SLC35F2: variants seen among roughly 807,000 people sequenced by gnomAD.
SLC35F2 encodes the protein solute carrier family 35 member F2.
A neutral mutation model predicts 38.1 loss-of-function variants in SLC35F2; 25 were observed. That is an observed-to-expected ratio of 0.66 (90% CI 0.48 to 0.92). The LOEUF (loss-of-function observed/expected upper bound fraction) is 0.92. SLC35F2 is among the 40% of genes least tolerant of loss of function. SLC35F2 has a pLI of 0.00. For synonymous variants in SLC35F2, 173 were observed against 181.7 expected (o/e 0.95, Z 0.38); for missense variants, 409 against 452.9 (o/e 0.90, Z 0.88).
At chr11:107,821,496 AAAG>A in intron 1 of SLC35F2, 1 of 985,396 alleles carries the variant, frequency 1.0e-6, no homozygotes, top group Non-Finnish European at 1.2e-6. Context: ...GCAAAGGAAG[AAAG>A]AAGACAAGAA....
Position 107,858,701 on chromosome 11 carries a change from A to G in SLC35F2, c.67T>C (p.Phe23Leu). 2.1e-5 allele frequency: 27 copies of G among 1,299,484 alleles called. No homozygotes were observed. The highest frequency in any genetic ancestry group is 2.7e-5 in the Non-Finnish European group (27 of 1,016,264). 80.5% of individuals were successfully genotyped at this position (1,299,484 alleles called of 1,614,324 possible). Residue 23 changes from phenylalanine (F) to leucine (L), a missense_variant, in exon 1 of 8, where the codon TTC (phenylalanine) becomes CTC (leucine). By Grantham distance (22) the Phe-to-Leu change is conservative. Transcript: ENST00000525815. ...TTTATCCTGCGCAGCAGGCTGGAGA[A>G]CTCGGCCGCCGCTCCCTCCGCGAGG... ...EPLAEGAAAE[F>L]SSLLRRIKGK...
At chr11:107,838,881 G>A (rs1051545262) in intron 1 of SLC35F2, among the ~76,000 whole-genome samples, 14 of 151,896 alleles carry the variant, frequency 9.2e-5, no homozygotes, top group East Asian at 1.9e-4. Flanking sequence ...TGCCCATCTC[G>A]GCCTCCCAAA....
intron 3 of SLC35F2, chr11:107,809,966 C>G (rs891537027): frequency 2.0e-6 from 2 of 985,246 alleles, no homozygotes; most frequent in Non-Finnish European, 2.4e-6. Flanking sequence ...TGAGCAGCAA[C>G]CTGGGCCACA....
intron 1 of SLC35F2, among the ~76,000 whole-genome samples, chr11:107,832,546 T>C (rs781157637): frequency 6.6e-6 from 1 of 152,226 alleles, no homozygotes; most frequent in Non-Finnish European, 1.5e-5. Context: ...CTCATGCCTG[T>C]AATCCCAGCA....
At chr11:107,855,618 C>CG (rs199985497) in intron 1 of SLC35F2, among the ~76,000 whole-genome samples, 114 of 151,606 alleles carry the variant, frequency 7.5e-4, no homozygotes, top group Middle Eastern at 3.4e-3. Flanking sequence ...CGCCATTGAA[C>CG]TCCAGCCTGG....
intron 1 of SLC35F2, among the ~76,000 whole-genome samples, chr11:107,832,746 G>C (rs1859865627): frequency 6.6e-6 from 1 of 152,178 alleles, no homozygotes; most frequent in Non-Finnish European, 1.5e-5. Flanking sequence ...GTTCAAGGCT[G>C]CAGTGAGCCA....
chr11:107,809,809 G>A, intron 3 of SLC35F2: 1 of 984,990 alleles, frequency 1.0e-6, no homozygotes, highest in Non-Finnish European at 1.2e-6. Flanking sequence ...GTATAGAAGA[G>A]AAAATGAAAA....
At chr11:107,824,740 C>T (rs1859727101) in intron 1 of SLC35F2, among the ~76,000 whole-genome samples, 1 of 152,180 alleles carries the variant, frequency 6.6e-6, no homozygotes, top group East Asian at 1.9e-4. Context: ...GCACATCCAC[C>T]CACCTGAGGC....
At chr11:107,835,557 G>A (rs779692637) in intron 1 of SLC35F2, among the ~76,000 whole-genome samples, 10 of 151,978 alleles carry the variant, frequency 6.6e-5, no homozygotes, top group Non-Finnish European at 1.2e-4. Context: ...CAGCCCCCAA[G>A]TAACTGGGAC....
chr11:107,813,849 G>C (rs1420363806), intron 2 of SLC35F2, among the ~76,000 whole-genome samples: 2 of 152,076 alleles, frequency 1.3e-5, no homozygotes, highest in African/African-American at 4.8e-5. Context: ...ATTTTTTGTA[G>C]AGAAGGAGTT....
chr11:107,823,926 CAAAA>C (rs58357861), intron 1 of SLC35F2: 1,255 of 644,036 alleles, frequency 1.9e-3, no homozygotes, highest in Middle Eastern at 2.4e-3. Flanking sequence ...AAGACAGTCT[CAAAA>C]AAAAAAAAAA....
intron 1 of SLC35F2, among the ~76,000 whole-genome samples, chr11:107,816,934 T>C (rs975892323): frequency 4.0e-5 from 6 of 151,836 alleles, no homozygotes; most frequent in African/African-American, 1.5e-4. Flanking sequence ...TAACTAAAAA[T>C]TGGGAAGAAA....
rs1860336253 is a variant in SLC35F2, at chr11:107,858,605, C to A, written c.110+53G>T. On this transcript the variant is annotated intron_variant, in intron 1 of 7. Coordinates refer to ENST00000525815, the MANE Select transcript of SLC35F2 (RefSeq NM_017515.5). The stretch of plus-strand genomic sequence containing the variant: ...GCTCCTTGTCCACGTGCGCGCAGGG[C>A]CCGCAGCCGCCCCCACGCCCCAGCG... 4 of 1,242,740 alleles carry A rather than the reference C, an allele frequency of 3.2e-6. No homozygotes were observed. The South Asian group carries it at 1.2e-4, about 38-fold the overall frequency. The allele number at this position is 1,242,740 out of a possible 1,614,324, so 77.0% of individuals were successfully genotyped here. A position where few individuals can be genotyped will look rare whatever the true frequency, so the allele number is the denominator to read the frequency against.
chr11:107,839,298 T>C (rs1859981407), intron 1 of SLC35F2, among the ~76,000 whole-genome samples: 1 of 152,016 alleles, frequency 6.6e-6, no homozygotes, highest in African/African-American at 2.4e-5. Flanking sequence ...CCGTCTCTAC[T>C]AAAAACATGA....
In SLC35F2 at chr11:107,790,991, T is replaced by C. The variant is rs1432228632; in HGVS notation, c.*1624A>G. 1 of 152,638 alleles carries C rather than the reference T, an allele frequency of 6.6e-6. No individual in the cohort carries two copies. The highest frequency in any genetic ancestry group is 2.4e-5 in the African/African-American group (1 of 41,450). The allele number at this position is 152,638 out of a possible 1,614,324, so 9.5% of individuals were successfully genotyped here. A position where few individuals can be genotyped will look rare whatever the true frequency, so the allele number is the denominator to read the frequency against. On this transcript the variant is annotated 3_prime_UTR_variant, in exon 8 of 8. Coordinates refer to ENST00000525815, the MANE Select transcript of SLC35F2 (RefSeq NM_017515.5). ...TTAATCAAAGAAACCACACAGTTGA[T>C]GTATTTCCATGAATTCAAAGCCTTT...
intron 1 of SLC35F2, 79 bp downstream of exon 1, chr11:107,858,579 T>A (rs543569113): frequency 1.7e-6 from 2 of 1,197,972 alleles, no homozygotes; most frequent in East Asian, 6.3e-5. Context: ...TCAGAGAGTG[T>A]GCTCCTTGTC....
intron 1 of SLC35F2, among the ~76,000 whole-genome samples, chr11:107,820,680 G>A: frequency 6.6e-6 from 1 of 152,116 alleles, no homozygotes; most frequent in East Asian, 1.9e-4. Context: ...TTCAGGCTGG[G>A]CGCAGTGGCT....
intron 1 of SLC35F2, among the ~76,000 whole-genome samples, chr11:107,816,559 T>G (rs2134795135): frequency 6.6e-6 from 1 of 150,900 alleles, no homozygotes; most frequent in South Asian, 2.1e-4. Context: ...AGTGCTAGGA[T>G]TTCAAGGGTG....
At chr11:107,844,178 C>A (rs1860065333) in intron 1 of SLC35F2, among the ~76,000 whole-genome samples, 1 of 152,086 alleles carries the variant, frequency 6.6e-6, no homozygotes, top group African/African-American at 2.4e-5. Flanking sequence ...AGCACAGGCT[C>A]TGGGGGCCAG....
Sources: allele counts gnomAD v4.1 joint callset (sites outside exome capture counted in the v4.1 genomes callset), GRCh38; gene constraint gnomAD v4.1.1; transcripts MANE v1.5; gene names NCBI Gene and HGNC (gene_info 2026-07-23, HGNC 2026-07-21).